INSR: variants seen among roughly 807,000 people sequenced by gnomAD.
INSR encodes IR.
In INSR, 67 loss-of-function variants were observed where a neutral mutation model predicts 142.6. The observed-to-expected ratio is 0.47, with a 90% CI of 0.39 to 0.58. The LOEUF (loss-of-function observed/expected upper bound fraction) is 0.58, where lower values mean the gene tolerates loss of function less well. Ranked by LOEUF, INSR falls within the 20% of genes least tolerant of loss-of-function variation. INSR has a pLI of 0.00. For synonymous variants in INSR, 756 were observed against 743.1 expected (o/e 1.02, Z -0.28); for missense variants, 1,248 against 1,833.2 (o/e 0.68, Z 5.83).
rs780429736 is a variant in INSR at position 7,132,281 on chromosome 19, G to C, written c.2719C>G (p.Leu907Val). The C allele has an allele frequency of 2.5e-6, 4 of 1,614,104 alleles. No homozygotes were observed. Among genetic ancestry groups the C allele is most frequent in the African/African-American group, 2.7e-5 (2 of 74,940 alleles). ...CCACGCAGCCTGCAGCCCCGTTCCA[G>C]AGCGAAGTGCTTGCGGGAGACGCAG... is the stretch of plus-strand genomic sequence containing the variant. ...HLCVSRKHFALERGCRLRGLS... is the reference protein window; with the variant it reads ...HLCVSRKHFAVERGCRLRGLS... The change falls in exon 14 of 22, where the codon CTG (leucine) becomes GTG (valine). Residue 907 changes from leucine (L) to valine (V), a missense_variant. Leu to Val is a conservative substitution (Grantham distance 32). Transcript: ENST00000302850.
chr19:7,135,976 A>AAAAAAAAAAAAAAAG (rs60435269), intron 13 of INSR, among the ~76,000 whole-genome samples: 3 of 146,524 alleles, frequency 2.0e-5, no homozygotes, highest in African/African-American at 7.7e-5. Context: ...TCAAAAAAAA[A>AAAAAAAAAAAAAAAG]AAAGAAAGAA....
At chr19:7,183,263 GGTGT>G (rs71177167) in intron 3 of INSR, among the ~76,000 whole-genome samples, 2,439 of 146,544 alleles carry the variant, frequency 0.017, 28 homozygotes, top group African/African-American at 0.04. Context: ...GTTGTTTTGT[GGTGT>G]GTGTGTGTGT....
Position 7,142,869 on chromosome 19 carries a change from G to A in INSR, c.2489C>T (p.Pro830Leu), listed in dbSNP as rs2162771. 1 of 1,614,120 alleles carries A rather than the reference G, an allele frequency of 6.2e-7. No homozygotes were observed. Among genetic ancestry groups the A allele is most frequent in the Non-Finnish European group, 8.5e-7 (1 of 1,180,030 alleles). The stretch of plus-strand genomic sequence containing the variant: ...GGCTGCCACACTGCACCGTTCCTCA[G>A]GGGTGTCCTGGTTGCAAGCCTGCAG... ...IELQACNQDT[P>L]EERCSVAAYV... Residue 830 changes from proline (P) to leucine (L), a missense_variant, in exon 12 of 22, where the codon CCT (proline) becomes CTT (leucine). By Grantham distance (98) the Pro-to-Leu change is moderately conservative. Transcript: ENST00000302850.
At chr19:7,151,737 G>T (rs1432914907) in intron 10 of INSR, among the ~76,000 whole-genome samples, 1 of 151,982 alleles carries the variant, frequency 6.6e-6, no homozygotes, top group Non-Finnish European at 1.5e-5. Context: ...ACACACTGGT[G>T]GTTCTGGGAG....
intron 6 of INSR, among the ~76,000 whole-genome samples, chr19:7,169,278 G>A (rs1168001104): frequency 1.3e-5 from 2 of 152,030 alleles, no homozygotes; most frequent in Non-Finnish European, 2.9e-5. Flanking sequence ...ATTGTCAAAA[G>A]GCTCTTCATG....
In INSR at chr19:7,184,640, G is replaced by GGAGAGAGAGAGAGAGA. The variant is rs3835070; in HGVS notation, c.653-19_653-4dup. 31 of 1,376,330 alleles carry GGAGAGAGAGAGAGAGA rather than the reference G, an allele frequency of 2.3e-5. No individual in the cohort carries two copies. The African/African-American group carries it at 4.4e-4, about 20-fold the overall frequency. The allele number at this position is 1,376,330 out of a possible 1,614,324, so 85.3% of individuals were successfully genotyped here. ...TGACTTACAGATGGTCGGGCAAACT[G>GGAGAGAGAGAGAGAGA]GAGAGAGAGAGAGAGAGAGAGGGAA... is the stretch of plus-strand genomic sequence containing the variant. On this transcript the variant is annotated splice_region_variant and splice_polypyrimidine_tract_variant and intron_variant, in intron 2 of 21. Coordinates refer to ENST00000302850, the MANE Select transcript of INSR (RefSeq NM_000208.4).
At chr19:7,292,571 G>T (rs1031733564) in intron 1 of INSR, among the ~76,000 whole-genome samples, 2 of 151,820 alleles carry the variant, frequency 1.3e-5, no homozygotes, top group Non-Finnish European at 2.9e-5. Context: ...ACATGCACCC[G>T]TTTCCCCATC....
At chr19:7,209,916 CAA>C (rs1349923148) in intron 2 of INSR, among the ~76,000 whole-genome samples, 2 of 152,060 alleles carry the variant, frequency 1.3e-5, no homozygotes, top group African/African-American at 4.8e-5. Flanking sequence ...CTGTGAAAGT[CAA>C]AGAGAAGTTC....
rs1430382869 is a variant in INSR at position 7,293,927 on chromosome 19, G to A, written c.-36C>T. On this transcript the variant is annotated 5_prime_UTR_variant, in exon 1 of 22. Coordinates refer to ENST00000302850, the MANE Select transcript of INSR (RefSeq NM_000208.4). ...GCGCGGGGTCTCCTCGGATCAGAGC[G>A]CGCGGCGCTGGCCCGCGGGGGTCAT... The A allele has an allele frequency of 8.5e-7, 1 of 1,177,056 alleles. No homozygotes were observed. The allele number at this position is 1,177,056 out of a possible 1,614,324, so 72.9% of individuals were successfully genotyped here. A position where few individuals can be genotyped will look rare whatever the true frequency, so the allele number is the denominator to read the frequency against.
At chr19:7,217,358 G>A (rs147279680) in intron 2 of INSR, among the ~76,000 whole-genome samples, 13 of 152,008 alleles carry the variant, frequency 8.6e-5, no homozygotes, top group East Asian at 5.8e-4. Flanking sequence ...TCATCCCCCC[G>A]TCTCAAGATC....
At chr19:7,239,877 G>A (rs559953686) in intron 2 of INSR, among the ~76,000 whole-genome samples, 121 of 152,286 alleles carry the variant, frequency 7.9e-4, no homozygotes, top group Non-Finnish European at 1.0e-3. Flanking sequence ...GTAGCAATTG[G>A]AATCACAATC....
intron 2 of INSR, among the ~76,000 whole-genome samples, chr19:7,249,525 ACTCAAGTATGGAT>A (rs1976641152): frequency 6.6e-6 from 1 of 151,944 alleles, no homozygotes; most frequent in South Asian, 2.1e-4. Context: ...TAGCTTTATC[ACTCAAGTATGGAT>A]CTCTAGACAA....
intron 2 of INSR, among the ~76,000 whole-genome samples, chr19:7,201,251 A>G (rs1974944430): frequency 1.3e-5 from 2 of 152,182 alleles, no homozygotes; most frequent in South Asian, 2.1e-4. Context: ...AAAGAGAAAC[A>G]ATTAAGCTAA....
chr19:7,193,110 CT>C (rs1310186241), intron 2 of INSR, among the ~76,000 whole-genome samples: 1 of 141,490 alleles, frequency 7.1e-6, no homozygotes, highest in Non-Finnish European at 1.6e-5. Context: ...TGCAGTATTT[CT>C]TTTTTTTCTT....
intron 2 of INSR, among the ~76,000 whole-genome samples, chr19:7,263,624 C>T (rs1977132383): frequency 6.6e-6 from 1 of 152,132 alleles, no homozygotes; most frequent in African/African-American, 2.4e-5. Context: ...CTCAGTTTGT[C>T]ACCCAGGCTG....
chr19:7,154,549 G>A (rs1333476796), intron 9 of INSR, among the ~76,000 whole-genome samples: 5 of 150,610 alleles, frequency 3.3e-5, no homozygotes, highest in African/African-American at 9.7e-5. Flanking sequence ...TGATCTGCCC[G>A]CCTTGGCCTC....
intron 10 of INSR, 135 bp downstream of exon 10, chr19:7,152,591 A>G: frequency 1.3e-6 from 1 of 797,306 alleles, no homozygotes; most frequent in Non-Finnish European, 2.2e-6. Flanking sequence ...TCCACCCAGG[A>G]AAGGGCTCCA....
At chr19:7,142,736 G>C in intron 12 of INSR, 80 bp downstream of exon 12, 1 of 1,523,540 alleles carries the variant, frequency 6.6e-7, no homozygotes, top group East Asian at 2.3e-5. Context: ...GATATGCACT[G>C]CTTAGAGGGT....
intron 3 of INSR, among the ~76,000 whole-genome samples, chr19:7,181,238 G>A (rs998484810): frequency 7.9e-5 from 12 of 152,238 alleles, no homozygotes; most frequent in Non-Finnish European, 1.8e-4. Flanking sequence ...GAGCCACCGC[G>A]CCTGGCCCAG....
Sources: gnomAD v4.1 joint callset for allele counts (sites outside exome capture counted in the v4.1 genomes callset) on GRCh38, gnomAD v4.1.1 for gene constraint, MANE v1.5 for transcripts, NCBI Gene and HGNC (gene_info 2026-07-23, HGNC 2026-07-21) for gene names.